The following KLF8 variants were observed in gnomAD, a reference collection of about 807,000 sequenced individuals.
The protein encoded by KLF8 is Krueppel-like factor 8.
A neutral mutation model predicts 18.2 loss-of-function variants in KLF8; 10 were observed. The ratio of observed to expected loss-of-function variants is 0.55; its 90% CI spans 0.34 to 0.93. KLF8 has a LOEUF of 0.93. KLF8 is among the 40% of genes least tolerant of loss of function. The probability of loss-of-function intolerance (pLI) is 0.02; values close to 1 mark genes in which losing one functional copy is unlikely to be tolerated. For missense variants in KLF8, 264 were observed against 277.9 expected (o/e 0.95, Z 0.36); for synonymous variants, 109 against 97.3 (o/e 1.12, Z -0.71).
chrX:56,117,238 A>G, the KLF8 span, among the ~76,000 whole-genome samples: 1 of 112,218 alleles, frequency 8.9e-6, no homozygotes, highest in African/African-American at 3.2e-5. Context: ...TCCCATTTCA[A>G]CTTCCCCCTT....
At chrX:56,253,399 T>C (rs1437685574) in intron 2 of KLF8, among the ~76,000 whole-genome samples, 1 of 112,094 alleles carries the variant, frequency 8.9e-6, no homozygotes, top group East Asian at 2.8e-4. Flanking sequence ...TGGTTAGAGA[T>C]AGGGTTCTGG....
At chrX:56,130,035 AGAGTCT>A in the KLF8 span, among the ~76,000 whole-genome samples, 4 of 110,151 alleles carry the variant, frequency 3.6e-5, no homozygotes, top group Non-Finnish European at 5.7e-5. Flanking sequence ...AGGCCCAAGG[AGAGTCT>A]GAGCTCAGAC....
chrX:56,216,185 G>T, the KLF8 span, among the ~76,000 whole-genome samples: 1 of 109,881 alleles, frequency 9.1e-6, no homozygotes, highest in Non-Finnish European at 1.9e-5. Flanking sequence ...AGTGTAAGTT[G>T]TAATCCTTTA....
At chrX:56,187,293 A>G in the KLF8 span, among the ~76,000 whole-genome samples, 6 of 111,576 alleles carry the variant, frequency 5.4e-5, no homozygotes, top group African/African-American at 1.3e-4. Flanking sequence ...TAAATTCCTC[A>G]ACACATACAC....
intron 1 of KLF8, among the ~76,000 whole-genome samples, chrX:56,241,724 AG>A (rs2066547317): frequency 8.9e-6 from 1 of 112,147 alleles, no homozygotes; most frequent in Non-Finnish European, 1.9e-5. Context: ...CTAGAATACA[AG>A]TCTCCCAGAT....
chrX:56,091,785 G>T, the KLF8 span, among the ~76,000 whole-genome samples: 1 of 112,032 alleles, frequency 8.9e-6, no homozygotes, highest in South Asian at 3.7e-4. Flanking sequence ...ATGAGCCATC[G>T]TGCCTAGCTG....
At chrX:56,160,703 GA>G in the KLF8 span, among the ~76,000 whole-genome samples, 1 of 111,284 alleles carries the variant, frequency 9.0e-6, no homozygotes, top group African/African-American at 3.3e-5. Flanking sequence ...CAGAGACTAG[GA>G]TTGCAACCCC....
the KLF8 span, among the ~76,000 whole-genome samples, chrX:56,168,048 G>A: frequency 4.5e-5 from 5 of 111,592 alleles, no homozygotes; most frequent in Non-Finnish European, 9.4e-5. Flanking sequence ...GCTGCCCTGA[G>A]GGATTTAAAG....
the KLF8 span, among the ~76,000 whole-genome samples, chrX:55,911,422 C>T: frequency 8.9e-6 from 1 of 112,311 alleles, no homozygotes; most frequent in Non-Finnish European, 1.9e-5. Context: ...TAGAAAAAGT[C>T]TCATCTGCTT....
At chrX:56,268,599 T>G in intron 3 of KLF8, 1 of 422,085 alleles carries the variant, frequency 2.4e-6, no homozygotes, top group Non-Finnish European at 3.0e-6. Flanking sequence ...TGCACAAACA[T>G]GCACACCTCA....
chrX:56,062,608 C>A, the KLF8 span, among the ~76,000 whole-genome samples: 2 of 111,901 alleles, frequency 1.8e-5, no homozygotes, highest in East Asian at 5.6e-4. Flanking sequence ...TCTCTGGCTG[C>A]CCTTAACTTT....
chrX:55,918,231 A>T, the KLF8 span, among the ~76,000 whole-genome samples: 6 of 111,848 alleles, frequency 5.4e-5, no homozygotes, highest in Non-Finnish European at 1.1e-4. Flanking sequence ...TAGAACATAG[A>T]AGGAACCCAG....
At position 56,237,522 on chromosome X, in the gene KLF8, T is replaced by C. The variant is rs751294739; in HGVS notation, c.7+4181T>C. Among the ~76,000 whole-genome samples the C allele has an allele frequency of 4.5e-5, 5 of 111,088 alleles. No individual in the cohort carries two copies. The East Asian group carries it at 1.4e-3, about 31-fold the overall frequency. On this transcript the variant is annotated intron_variant, in intron 1 of 5. Coordinates refer to ENST00000468660, the MANE Select transcript of KLF8 (RefSeq NM_007250.5). ...CAACTTGCTTGTCTACTTAAAAATATACTTTGGAGATATTTTCATATATGC... is the reference window on the plus strand; with the variant it reads ...CAACTTGCTTGTCTACTTAAAAATACACTTTGGAGATATTTTCATATATGC...
At chrX:56,045,511 T>C in the KLF8 span, among the ~76,000 whole-genome samples, 4 of 112,452 alleles carry the variant, frequency 3.6e-5, no homozygotes, top group African/African-American at 1.3e-4. Flanking sequence ...TTCACAATAT[T>C]GATTCTACCC....
chrX:56,012,086 CT>C, the KLF8 span, among the ~76,000 whole-genome samples: 1 of 111,977 alleles, frequency 8.9e-6, no homozygotes, highest in Non-Finnish European at 1.9e-5. Context: ...GGAGTGACCC[CT>C]CCCTAACTCA....
At chrX:55,999,793 A>G in the KLF8 span, among the ~76,000 whole-genome samples, 2 of 111,484 alleles carry the variant, frequency 1.8e-5, no homozygotes, top group Non-Finnish European at 3.8e-5. Flanking sequence ...ATCATTGGCA[A>G]AAAAAGATAG....
the KLF8 span, among the ~76,000 whole-genome samples, chrX:56,018,889 C>G: frequency 2.7e-5 from 3 of 110,666 alleles, no homozygotes; most frequent in South Asian, 1.1e-3. Context: ...ATAAAACTTT[C>G]AAGCTGTAGG....
At chrX:56,166,790 G>A in the KLF8 span, among the ~76,000 whole-genome samples, 1 of 111,617 alleles carries the variant, frequency 9.0e-6, no homozygotes, top group Non-Finnish European at 1.9e-5. Context: ...TGTTTCCTAG[G>A]AGAGTGATTT....
At chrX:56,121,021 C>T in the KLF8 span, among the ~76,000 whole-genome samples, 3 of 109,707 alleles carry the variant, frequency 2.7e-5, no homozygotes, top group African/African-American at 1.0e-4. Flanking sequence ...CCCGTCTCTA[C>T]TGAAAATACA....
Sources: allele counts gnomAD v4.1 joint callset (sites outside exome capture counted in the v4.1 genomes callset), GRCh38; gene constraint gnomAD v4.1.1; transcripts MANE v1.5; gene names NCBI Gene and HGNC (gene_info 2026-07-23, HGNC 2026-07-21).